Variants in DTNA observed in about 807,000 individuals in gnomAD.
DTNA encodes the protein dystrobrevin alpha, also known as dystrophin-related protein 3.
In DTNA, 43 loss-of-function variants were observed where a neutral mutation model predicts 100.7. The observed-to-expected ratio is 0.43, with a 90% CI of 0.33 to 0.55. DTNA has a LOEUF of 0.55. DTNA is among the 20% of genes least tolerant of loss of function. The probability of loss-of-function intolerance (pLI) is 0.04; values close to 1 mark genes in which losing one functional copy is unlikely to be tolerated. For synonymous variants in DTNA, 349 were observed against 347.9 expected (o/e 1.00, Z -0.04); for missense variants, 798 against 953.9 (o/e 0.84, Z 2.15).
intron 1 of DTNA, among the ~76,000 whole-genome samples, chr18:34,504,546 T>C (rs2040297239): frequency 6.6e-6 from 1 of 152,242 alleles, no homozygotes; most frequent in South Asian, 2.1e-4. Flanking sequence ...AAATATTTTG[T>C]TTTCCTCTAG....
chr18:34,494,231 G>A (rs867000262), intron 1 of DTNA, among the ~76,000 whole-genome samples: 2 of 152,026 alleles, frequency 1.3e-5, no homozygotes, highest in African/African-American at 2.4e-5. Context: ...CTCACGTCGG[G>A]GAACAGTCTG....
chr18:34,536,463 A>G (rs988172809), intron 1 of DTNA, among the ~76,000 whole-genome samples: 2 of 151,916 alleles, frequency 1.3e-5, no homozygotes, highest in African/African-American at 4.8e-5. Context: ...TCCCAGTCTG[A>G]TCTGGGAAAA....
intron 17 of DTNA, 111 bp from the exon 18 acceptor site, chr18:34,875,128 T>C: frequency 6.7e-7 from 1 of 1,485,678 alleles, no homozygotes; most frequent in Non-Finnish European, 9.2e-7. Context: ...TAGGATTTCC[T>C]CCTGCTTTGA....
chr18:34,727,563 G>T (rs1480431), intron 1 of DTNA, among the ~76,000 whole-genome samples: 1 of 151,998 alleles, frequency 6.6e-6, no homozygotes, highest in African/African-American at 2.4e-5. Context: ...CATTTAAAAT[G>T]TCCTTTTTTT....
chr18:34,552,839 C>T (rs1480614842), intron 1 of DTNA, among the ~76,000 whole-genome samples: 2 of 145,108 alleles, frequency 1.4e-5, no homozygotes, highest in Non-Finnish European at 3.0e-5. Context: ...AATAAACATA[C>T]GTGTGCATGT....
Position 34,806,169 on chromosome 18 carries a change from T to C in DTNA, c.363-50T>C, listed in dbSNP as rs377152125. On this transcript the variant is annotated intron_variant, in intron 4 of 22. Coordinates refer to ENST00000444659, the MANE Select transcript of DTNA (RefSeq NM_001386795.1). The stretch of plus-strand genomic sequence containing the variant: ...GCTGGAAGTACTCCAAATGACATCA[T>C]GGTTTTGTTTTGTTTTTGTTTTTGT... The C allele has an allele frequency of 5.1e-5, 77 of 1,498,132 alleles. No individual in the cohort carries two copies. In the African/African-American group the frequency reaches 8.9e-4, roughly 17 times the overall value. The allele number at this position is 1,498,132 out of a possible 1,614,324, so 92.8% of individuals were successfully genotyped here. A position where few individuals can be genotyped will look rare whatever the true frequency, so the allele number is the denominator to read the frequency against.
At chr18:34,526,560 A>G (rs1458729280) in intron 1 of DTNA, among the ~76,000 whole-genome samples, 2 of 152,052 alleles carry the variant, frequency 1.3e-5, no homozygotes, top group Non-Finnish European at 2.9e-5. Flanking sequence ...TACTGTTATT[A>G]GAATTAATGA....
chr18:34,727,708 G>C (rs971248992), intron 1 of DTNA, among the ~76,000 whole-genome samples: 1 of 152,128 alleles, frequency 6.6e-6, no homozygotes, highest in Non-Finnish European at 1.5e-5. Flanking sequence ...GGGATTACAG[G>C]AAAGTGCCAC....
At chr18:34,809,982 A>T (rs2095450310) in intron 5 of DTNA, among the ~76,000 whole-genome samples, 1 of 152,134 alleles carries the variant, frequency 6.6e-6, no homozygotes, top group Admixed American at 6.5e-5. Context: ...AACTTACCTA[A>T]TAACACTACT....
chr18:34,789,172 A>G (rs1478039409), intron 3 of DTNA, among the ~76,000 whole-genome samples: 1 of 152,196 alleles, frequency 6.6e-6, no homozygotes, highest in East Asian at 1.9e-4. Flanking sequence ...ACCACTGGAA[A>G]ATAAGGGGTA....
At chr18:34,590,748 T>G (rs1019532952) in intron 1 of DTNA, among the ~76,000 whole-genome samples, 2 of 152,240 alleles carry the variant, frequency 1.3e-5, no homozygotes, top group Non-Finnish European at 2.9e-5. Context: ...TTTTCTGATC[T>G]AATCCTAATT....
chr18:34,515,169 C>T (rs1256556237), intron 1 of DTNA, among the ~76,000 whole-genome samples: 1 of 152,048 alleles, frequency 6.6e-6, no homozygotes, highest in Non-Finnish European at 1.5e-5. Context: ...CTGACCCATT[C>T]CAAACAGGAT....
At chr18:34,547,602 T>C (rs1290309445) in intron 1 of DTNA, among the ~76,000 whole-genome samples, 1 of 152,150 alleles carries the variant, frequency 6.6e-6, no homozygotes, top group Admixed American at 6.6e-5. Context: ...TTTTTTAAAC[T>C]ATATTGGGTT....
chr18:34,810,806 C>T (rs115259871), intron 5 of DTNA, among the ~76,000 whole-genome samples: 7,951 of 152,162 alleles, frequency 0.052, 241 homozygotes, highest in Middle Eastern at 0.068. Flanking sequence ...CACTCTGTAG[C>T]CCATAAATAT....
At chr18:34,792,174 A>G (rs73412647) in intron 3 of DTNA, among the ~76,000 whole-genome samples, 3,799 of 152,068 alleles carry the variant, frequency 0.025, 166 homozygotes, top group African/African-American at 0.086. Flanking sequence ...AGTTATGAGA[A>G]CCATACTTTA....
chr18:34,499,705 A>G (rs76094759), intron 1 of DTNA, among the ~76,000 whole-genome samples: 1,749 of 152,198 alleles, frequency 0.011, 12 homozygotes, highest in Middle Eastern at 0.037. Flanking sequence ...TGTGATTTCA[A>G]TTTGCATTTC....
chr18:34,880,645 A>C (rs2150384752), intron 20 of DTNA, among the ~76,000 whole-genome samples: 1 of 152,366 alleles, frequency 6.6e-6, no homozygotes, highest in East Asian at 1.9e-4. Flanking sequence ...GAAACTAAAC[A>C]GAGGCCTTTC....
At chr18:34,605,093 G>T (rs2052740578) in intron 1 of DTNA, among the ~76,000 whole-genome samples, 1 of 148,840 alleles carries the variant, frequency 6.7e-6, no homozygotes. Context: ...CATTTTCTTT[G>T]TCTCAAACAT....
chr18:34,574,770 T>G (rs1291089824), intron 1 of DTNA, among the ~76,000 whole-genome samples: 1 of 152,194 alleles, frequency 6.6e-6, no homozygotes, highest in African/African-American at 2.4e-5. Context: ...TAGCTGGGAC[T>G]ACAGGCACAA....
Sources: gnomAD v4.1 joint callset for allele counts (sites outside exome capture counted in the v4.1 genomes callset) on GRCh38, gnomAD v4.1.1 for gene constraint, MANE v1.5 for transcripts, NCBI Gene and HGNC (gene_info 2026-07-23, HGNC 2026-07-21) for gene names.